Variants in IQGAP3 observed in about 807,000 individuals in gnomAD.
IQGAP3 encodes the protein IQ motif containing GTPase activating protein 3, also known as ras GTPase-activating-like protein IQGAP3.
Under a neutral mutation model 208.2 loss-of-function variants are expected in IQGAP3, and 165 were observed. The ratio of observed to expected loss-of-function variants is 0.79; its 90% confidence interval spans 0.70 to 0.90. The LOEUF is 0.90. Among genes scored for constraint, IQGAP3 ranks in the 40% least tolerant of loss-of-function variants. The pLI, the probability that IQGAP3 is intolerant of heterozygous loss-of-function variation, is 0.00. For missense variants in IQGAP3, 1,811 were observed against 2,043.1 expected, an observed-to-expected ratio of 0.89 and a Z score of 2.19; for synonymous variants, 703 against 803.6, an observed-to-expected ratio of 0.87 and a Z score of 2.12.
intron 19 of IQGAP3, 82 bp downstream of exon 19, chr1:156,547,990 GT>G: frequency 8.0e-7 from 1 of 1,257,392 alleles, no homozygotes; most frequent in Admixed American, 2.5e-5. Flanking sequence ...TCATTCCCAT[GT>G]CAGTAAAAAG....
chr1:156,561,811 G>A (rs2102434768), intron 10 of IQGAP3, 27 bp downstream of exon 10: 1 of 1,610,144 alleles, frequency 6.2e-7, no homozygotes, highest in Non-Finnish European at 8.5e-7. Flanking sequence ...ACATACAGGG[G>A]GTGGCAGGTA....
chr1:156,562,695 G>A (rs1676215770), intron 8 of IQGAP3, 30 bp from the exon 9 acceptor site: 1 of 1,572,052 alleles, frequency 6.4e-7, no homozygotes, highest in Non-Finnish European at 8.8e-7. Flanking sequence ...AGGGAACCTG[G>A]GAAACCCAAT....
chr1:156,564,425 C>A (rs1676308469), intron 5 of IQGAP3, among the ~76,000 whole-genome samples, 190 bp downstream of exon 5: 3 of 152,264 alleles, frequency 2.0e-5, no homozygotes, highest in Admixed American at 6.5e-5. Context: ...CCCACACAGG[C>A]CATACATAAA....
At chr1:156,536,635 T>C (rs1674699034) in intron 27 of IQGAP3, among the ~76,000 whole-genome samples, 1 of 152,196 alleles carries the variant, frequency 6.6e-6, no homozygotes, top group African/African-American at 2.4e-5. Context: ...TTGAATGTTC[T>C]CACCAAAAAG....
chr1:156,535,816 A>G (rs1466304863), intron 27 of IQGAP3, among the ~76,000 whole-genome samples: 1 of 152,028 alleles, frequency 6.6e-6, no homozygotes, highest in East Asian at 1.9e-4. Context: ...ATCTTAGACT[A>G]TTTCCTTCTC....
At chr1:156,564,768 A>AGACCCATTCC in intron 4 of IQGAP3, 77 bp from the exon 5 acceptor site, 1 of 1,019,978 alleles carries the variant, frequency 9.8e-7, no homozygotes, top group Non-Finnish European at 1.6e-6. Flanking sequence ...GTGCCGAGGA[A>AGACCCATTCC]TGGGTCTTCC....
chr1:156,535,909 T>G (rs1318103181), intron 27 of IQGAP3, among the ~76,000 whole-genome samples: 1 of 152,228 alleles, frequency 6.6e-6, no homozygotes, highest in Admixed American at 6.5e-5. Context: ...GAGGATCAAG[T>G]GAAATTATGT....
intron 22 of IQGAP3, among the ~76,000 whole-genome samples, chr1:156,542,554 C>T (rs927065406): frequency 3.9e-5 from 6 of 152,060 alleles, no homozygotes; most frequent in Admixed American, 2.0e-4. Flanking sequence ...ATCTTGGATT[C>T]GATGAAATAC....
chr1:156,552,844 T>A (rs1675619495), intron 13 of IQGAP3, among the ~76,000 whole-genome samples: 1 of 152,188 alleles, frequency 6.6e-6, no homozygotes, highest in Admixed American at 6.5e-5. Flanking sequence ...GAGGCCAAGA[T>A]GGGAGGACAG....
rs1364634869 is a variant in IQGAP3 at position 156,533,993 on chromosome 1, G to C, written c.3873+16C>G. The C allele has an allele frequency of 1.7e-5, 28 of 1,613,310 alleles. No individual in the cohort carries two copies. The highest frequency in any genetic ancestry group is 2.4e-5 in the Non-Finnish European group (28 of 1,179,850). Reference sequence around the variant, plus strand: ...TTGCCCACCCAGCCAACACCCTCCAGATCTCAGCCCCTCACCCTGTGCGTG... The same window carrying C: ...TTGCCCACCCAGCCAACACCCTCCACATCTCAGCCCCTCACCCTGTGCGTG... On this transcript the variant is annotated intron_variant, in intron 30 of 37. Transcript: ENST00000361170.
intron 19 of IQGAP3, among the ~76,000 whole-genome samples, chr1:156,546,535 T>C (rs558069169): frequency 2.0e-5 from 3 of 152,296 alleles, no homozygotes; most frequent in African/African-American, 7.2e-5. Context: ...AAGTTCTGTA[T>C]TGAGTTCTGG....
At chr1:156,562,525 C>T (rs982043669) in intron 9 of IQGAP3, 62 bp downstream of exon 9, 50 of 1,326,396 alleles carry the variant, frequency 3.8e-5, no homozygotes, top group African/African-American at 5.8e-5. Flanking sequence ...ATCCCCAAAC[C>T]TCCCAGTGCA....
At chr1:156,527,263 C>T (rs922139712) in intron 37 of IQGAP3, among the ~76,000 whole-genome samples, 2 of 151,374 alleles carry the variant, frequency 1.3e-5, no homozygotes, top group Non-Finnish European at 3.0e-5. Flanking sequence ...GGGCGGATCA[C>T]AAGGTCAGCA....
Position 156,544,061 on chromosome 1 carries a change from C to T in IQGAP3, c.2461-11G>A. On this transcript the variant is annotated splice_polypyrimidine_tract_variant and intron_variant, in intron 21 of 37. Coordinates refer to ENST00000361170, the MANE Select transcript of IQGAP3 (RefSeq NM_178229.5). ...CACAATGGAGTTAACCTGCCACAAA[C>T]ACAGATTGGAAAAGGGTTGCTGGCT... is the stretch of plus-strand genomic sequence containing the variant. The T allele has an allele frequency of 6.2e-7, 1 of 1,614,174 alleles. No homozygotes were observed. Among genetic ancestry groups the T allele is most frequent in the South Asian group, 1.1e-5 (1 of 91,080 alleles).
At chr1:156,536,295 A>G (rs559799232) in intron 27 of IQGAP3, among the ~76,000 whole-genome samples, 5 of 152,200 alleles carry the variant, frequency 3.3e-5, no homozygotes, top group Admixed American at 2.0e-4. Context: ...CAAACAAAAA[A>G]AGAATGAAAG....
rs539444768 is a variant in IQGAP3, at chr1:156,530,375, C to T, written c.4192-58G>A. 85 of 1,458,792 alleles carry T rather than the reference C, an allele frequency of 5.8e-5. No individual in the cohort carries two copies. In the Admixed American group the frequency reaches 9.0e-4, roughly 15 times the overall value. The allele number at this position is 1,458,792 out of a possible 1,614,324, so 90.4% of individuals were successfully genotyped here. A position where few individuals can be genotyped will look rare whatever the true frequency, so the allele number is the denominator to read the frequency against. On this transcript the variant is annotated intron_variant, in intron 33 of 37. Coordinates refer to ENST00000361170, the MANE Select transcript of IQGAP3 (RefSeq NM_178229.5). Reference sequence around the variant, plus strand: ...AGGTCCTACCATTCTGCTCCCACACCAGTGAAGGTCCCATGGGCACCAGCA... The same window carrying T: ...AGGTCCTACCATTCTGCTCCCACACTAGTGAAGGTCCCATGGGCACCAGCA...
At chr1:156,569,619 T>C (rs770143929) in intron 1 of IQGAP3, among the ~76,000 whole-genome samples, 156 bp from the exon 2 acceptor site, 16 of 142,420 alleles carry the variant, frequency 1.1e-4, no homozygotes, top group Middle Eastern at 3.8e-3. Context: ...CCCGGGTTCA[T>C]GCCATTCTCC....
In IQGAP3 at chr1:156,534,666, A is replaced by G. The variant is rs766172724; in HGVS notation, c.3575T>C (p.Ile1192Thr). ...GGCTCCACCAGCTGCCATGGCCACA[A>G]TGTCGAAGGCGTCAGGAGCCACCAC... ...PAVVAPDAFD[I>T]VAMAAGGALA... is the part of the protein sequence containing the mutation. Residue 1192 changes from isoleucine to threonine, a missense_variant, in exon 29 of 38, where the codon ATT becomes ACT. Transcript: ENST00000361170. 6.8e-6 allele frequency: 11 copies of G among 1,611,732 alleles called. No homozygotes were observed. Among genetic ancestry groups the G allele is most frequent in the South Asian group, 3.3e-5 (3 of 90,876 alleles).
At chr1:156,527,296 ATG>A (rs1557912852) in intron 37 of IQGAP3, among the ~76,000 whole-genome samples, 4 of 151,578 alleles carry the variant, frequency 2.6e-5, no homozygotes, top group Non-Finnish European at 5.9e-5. Flanking sequence ...CCTGACCAAC[ATG>A]GTGAAACCCC....
Sources: gnomAD v4.1 joint callset for allele counts (sites outside exome capture counted in the v4.1 genomes callset) on GRCh38, gnomAD v4.1.1 for gene constraint, MANE v1.5 for transcripts, NCBI Gene and HGNC (gene_info 2026-07-23, HGNC 2026-07-21) for gene names.